Variants in HIVEP3 observed in about 807,000 individuals in gnomAD.
HIVEP3 encodes transcription factor HIVEP3.
HIVEP3 carries 49 observed loss-of-function variants against 152.8 expected under a neutral mutation model. That is an observed-to-expected ratio of 0.32 (90% CI 0.26 to 0.41). The LOEUF is 0.41. Among genes scored for constraint, HIVEP3 ranks in the 10% least tolerant of loss-of-function variants. The pLI is 1.00. For synonymous variants in HIVEP3, 1,269 were observed against 1,289.0 expected (o/e 0.98, Z 0.33); for missense variants, 2,790 against 3,103.3 (o/e 0.90, Z 2.40).
chr1:41,971,835 T>A lies in HIVEP3; in HGVS notation n.120-53311A>T, dbSNP rs576773247. Among the ~76,000 whole-genome samples the A allele has an allele frequency of 2.0e-5, 3 of 152,236 alleles. No homozygotes were observed. In the South Asian group the frequency reaches 6.2e-4, roughly 32 times the overall value. Reference sequence around the variant, plus strand: ...TTTGGTGGTGATAGACCATGACAGCTCTGCTGTCATGGATGAATTAGTGCC... The same window carrying A: ...TTTGGTGGTGATAGACCATGACAGCACTGCTGTCATGGATGAATTAGTGCC... On this transcript the variant is annotated intron_variant and non_coding_transcript_variant, in intron 1 of 3. Transcript: ENST00000489103.
intron 2 of HIVEP3, among the ~76,000 whole-genome samples, chr1:41,672,124 C>G (rs929881287): frequency 2.0e-5 from 3 of 152,164 alleles, no homozygotes; most frequent in Non-Finnish European, 4.4e-5. Flanking sequence ...AGGTGGGAAG[C>G]CCATGCCCCT....
chr1:41,982,282 A>G (rs191383929), intron 1 of HIVEP3, among the ~76,000 whole-genome samples: 3 of 152,350 alleles, frequency 2.0e-5, no homozygotes, highest in Admixed American at 2.0e-4. Flanking sequence ...CAAAGGTAAC[A>G]AAATCCTTGT....
At chr1:41,529,007 ACACT>A (rs1036832753) in intron 5 of HIVEP3, among the ~76,000 whole-genome samples, 21 of 106,246 alleles carry the variant, frequency 2.0e-4, no homozygotes, top group Non-Finnish European at 2.9e-4. Context: ...CCCTGCCCTC[ACACT>A]CACACCACTG....
chr1:41,957,245 T>C (rs992547316), intron 1 of HIVEP3, among the ~76,000 whole-genome samples: 15 of 152,278 alleles, frequency 9.9e-5, no homozygotes, highest in African/African-American at 3.1e-4. Context: ...ATAATCTTTA[T>C]ACAAATAAAA....
intron 5 of HIVEP3, among the ~76,000 whole-genome samples, chr1:41,553,888 T>C (rs1643926451): frequency 6.6e-6 from 1 of 152,242 alleles, no homozygotes; most frequent in South Asian, 2.1e-4. Context: ...TAGGCTTCCC[T>C]TTGCGGGTAA....
intron 1 of HIVEP3, among the ~76,000 whole-genome samples, chr1:42,005,720 T>A (rs1000942938): frequency 6.6e-6 from 1 of 152,246 alleles, no homozygotes; most frequent in African/African-American, 2.4e-5. Flanking sequence ...GTGAAGATGC[T>A]GCTTGTAGAA....
chr1:41,612,623 G>A (rs1199244069), intron 3 of HIVEP3, among the ~76,000 whole-genome samples: 1 of 152,204 alleles, frequency 6.6e-6, no homozygotes, highest in African/African-American at 2.4e-5. Context: ...TGGTTCTCAA[G>A]GATTCATGGT....
chr1:41,721,311 G>T (rs1241052604), intron 1 of HIVEP3, among the ~76,000 whole-genome samples: 1 of 151,936 alleles, frequency 6.6e-6, no homozygotes, highest in African/African-American at 2.4e-5. Flanking sequence ...AGGTTCAAGC[G>T]ATTCTCCTGT....
intron 1 of HIVEP3, among the ~76,000 whole-genome samples, chr1:41,814,016 C>T (rs1223072720): frequency 6.6e-6 from 1 of 152,184 alleles, no homozygotes. Flanking sequence ...CTCCTCCCCA[C>T]CCCTACACGG....
At chr1:41,672,441 G>A (rs1312015968) in intron 2 of HIVEP3, among the ~76,000 whole-genome samples, 1 of 152,190 alleles carries the variant, frequency 6.6e-6, no homozygotes, top group African/African-American at 2.4e-5. Flanking sequence ...GTTATCTCAA[G>A]ATTCCTCAAG....
chr1:41,995,940 C>T (rs113756829), intron 1 of HIVEP3, among the ~76,000 whole-genome samples: 1,909 of 152,282 alleles, frequency 0.013, 36 homozygotes, highest in African/African-American at 0.044. Flanking sequence ...TTCACGTATC[C>T]TCACCTCCTC....
chr1:41,524,397 G>A lies in HIVEP3; in HGVS notation c.5383+338C>T, dbSNP rs114297901. On this transcript the variant is annotated intron_variant, in intron 6 of 8. Coordinates refer to ENST00000372583, the MANE Select transcript of HIVEP3 (RefSeq NM_024503.5). Reference sequence around the variant, plus strand: ...TCAGATCAGTGGATAAACGGCTCAGGAGACATGCAGAAGGGAGGGGAGATG... The same window carrying A: ...TCAGATCAGTGGATAAACGGCTCAGAAGACATGCAGAAGGGAGGGGAGATG... 8.4e-3 allele frequency among the ~76,000 whole-genome samples: 1,277 copies of A among 152,312 alleles called. 6 individuals carry two copies. Among genetic ancestry groups the A allele is most frequent in the Middle Eastern group, 0.017 (5 of 294 alleles).
intron 1 of HIVEP3, among the ~76,000 whole-genome samples, chr1:41,753,443 G>A (rs911085077): frequency 3.9e-5 from 6 of 152,084 alleles, no homozygotes; most frequent in Admixed American, 2.0e-4. Flanking sequence ...CGAGGTAGGA[G>A]GATCACTTGA....
intron 1 of HIVEP3, among the ~76,000 whole-genome samples, chr1:41,821,336 C>T (rs955158746): frequency 2.0e-5 from 3 of 152,320 alleles, no homozygotes; most frequent in African/African-American, 7.2e-5. Flanking sequence ...CAAATGTAGG[C>T]ATGCATCCCT....
At chr1:41,529,837 T>A in intron 5 of HIVEP3, among the ~76,000 whole-genome samples, 1 of 69,008 alleles carries the variant, frequency 1.4e-5, no homozygotes, top group Admixed American at 2.2e-4. Context: ...ACCCCCACAT[T>A]CACAGTCACC....
intron 5 of HIVEP3, among the ~76,000 whole-genome samples, chr1:41,562,507 C>T (rs148785804): frequency 0.011 from 1,605 of 151,800 alleles, 24 homozygotes; most frequent in African/African-American, 0.034. Context: ...CTTCCTTCCT[C>T]TCTTTCTCCT....
chr1:41,911,424 A>G (rs1284110240), intron 1 of HIVEP3, among the ~76,000 whole-genome samples: 1 of 152,240 alleles, frequency 6.6e-6, no homozygotes, highest in African/African-American at 2.4e-5. Context: ...GAAATTGGTT[A>G]AACACATTGG....
At chr1:41,929,726 T>TATATATATA (rs1553135852) in intron 1 of HIVEP3, among the ~76,000 whole-genome samples, 1,859 of 112,710 alleles carry the variant, frequency 0.016, 138 homozygotes, top group East Asian at 0.06. Context: ...ATATGTGTTT[T>TATATATATA]TATATATATA....
chr1:41,724,786 G>A (rs1646729239), intron 1 of HIVEP3, among the ~76,000 whole-genome samples: 1 of 152,266 alleles, frequency 6.6e-6, no homozygotes, highest in Non-Finnish European at 1.5e-5. Flanking sequence ...CTGAGGCCAT[G>A]AACTCCAGCC....
Sources: allele counts gnomAD v4.1 joint callset (sites outside exome capture counted in the v4.1 genomes callset), GRCh38; gene constraint gnomAD v4.1.1; transcripts MANE v1.5; gene names NCBI Gene and HGNC (gene_info 2026-07-23, HGNC 2026-07-21).